Variants in MYT1L observed in about 807,000 individuals in gnomAD.
MYT1L encodes the protein myelin transcription factor 1 like.
In MYT1L, 12 loss-of-function variants were observed where a neutral mutation model predicts 126.7. The observed-to-expected ratio is 0.09, with a 90% CI of 0.06 to 0.15. The LOEUF (loss-of-function observed/expected upper bound fraction) is 0.15, where lower values mean the gene tolerates loss of function less well. Ranked by LOEUF, MYT1L falls within the 10% of genes least tolerant of loss-of-function variation. The pLI is 1.00. For missense variants in MYT1L, 979 were observed against 1,585.2 expected (o/e 0.62, Z 6.49); for synonymous variants, 541 against 604.2 (o/e 0.90, Z 1.53).
At chr2:2,311,373 G>C (rs921783654) in intron 1 of MYT1L, among the ~76,000 whole-genome samples, 2 of 152,186 alleles carry the variant, frequency 1.3e-5, no homozygotes, top group Non-Finnish European at 2.9e-5. Flanking sequence ...TCAGGCTACT[G>C]CTCTGCCTTA....
chr2:2,302,770 T>C (rs1435194317), intron 1 of MYT1L, among the ~76,000 whole-genome samples: 1 of 152,180 alleles, frequency 6.6e-6, no homozygotes, highest in Non-Finnish European at 1.5e-5. Flanking sequence ...ATTAATTAGA[T>C]TGTAGACGTG....
rs567204136 is a variant in MYT1L at position 2,224,407 on chromosome 2, C to T, written c.-420-51419G>A. 2.0e-5 allele frequency among the ~76,000 whole-genome samples: 3 copies of T among 152,214 alleles called. No individual in the cohort carries two copies. The highest frequency in any genetic ancestry group is 2.1e-4 in the South Asian group (1 of 4,814). ...ATCCCCAAAAAGACCGGAGAGCTGG[C>T]GAGGTGACAGCCATGCTGCTCTTTC... On this transcript the variant is annotated intron_variant, in intron 2 of 24. Coordinates refer to ENST00000647738, the MANE Select transcript of MYT1L (RefSeq NM_001303052.2). This position sits in a 1 kb window ranked among gnomAD's most constrained non-coding sequence, Gnocchi z 4.0.
chr2:2,042,962 T>C (rs1402280366), intron 4 of MYT1L, among the ~76,000 whole-genome samples: 1 of 152,152 alleles, frequency 6.6e-6, no homozygotes, highest in African/African-American at 2.4e-5. Flanking sequence ...CCAGCAGCAC[T>C]GCACCGGGGG....
At chr2:1,902,297 T>C (rs2050451064) in intron 14 of MYT1L, among the ~76,000 whole-genome samples, 1 of 152,250 alleles carries the variant, frequency 6.6e-6, no homozygotes, top group South Asian at 2.1e-4. Context: ...ATGAAGCCCG[T>C]GGCACTGTGT....
intron 9 of MYT1L, among the ~76,000 whole-genome samples, chr2:1,942,493 C>A (rs920319046): frequency 4.6e-5 from 7 of 152,282 alleles, no homozygotes; most frequent in African/African-American, 1.7e-4. Context: ...TCAAGCAAAG[C>A]TTTGGCAATC....
At chr2:2,132,272 T>C (rs1407699493) in intron 3 of MYT1L, among the ~76,000 whole-genome samples, 5 of 152,106 alleles carry the variant, frequency 3.3e-5, no homozygotes, top group Non-Finnish European at 7.3e-5. Context: ...TAAAGACACA[T>C]GCACACATAC....
intron 21 of MYT1L, among the ~76,000 whole-genome samples, chr2:1,813,970 T>A (rs1203396247): frequency 7.9e-6 from 1 of 125,880 alleles, no homozygotes; most frequent in Non-Finnish European, 1.6e-5. Context: ...GAGCTTGCAG[T>A]GAGCCGAGAT....
intron 3 of MYT1L, among the ~76,000 whole-genome samples, chr2:2,150,400 T>C (rs964420100): frequency 2.6e-5 from 4 of 152,214 alleles, no homozygotes; most frequent in African/African-American, 4.8e-5. Flanking sequence ...GTAAGAAAAT[T>C]CCATGTAGAT....
At chr2:2,267,369 C>T (rs1443779702) in intron 2 of MYT1L, among the ~76,000 whole-genome samples, 1 of 152,126 alleles carries the variant, frequency 6.6e-6, no homozygotes, top group East Asian at 1.9e-4. Flanking sequence ...CCGAAGATCC[C>T]CAAACAGGTA....
rs201935161 is a variant in MYT1L, at chr2:2,217,669, TCAACAACAACAA to T, written c.-420-44693_-420-44682del. 4.3e-5 allele frequency among the ~76,000 whole-genome samples: 4 copies of T among 92,188 alleles called. No homozygotes were observed. In the East Asian group the frequency reaches 8.1e-4, roughly 19 times the overall value. 60.5% of individuals were successfully genotyped at this position (92,188 alleles called of 152,430 possible). On this transcript the variant is annotated intron_variant, in intron 2 of 24. Transcript: ENST00000647738. ...CTGGGGGACAGAACAAAACTCCATC[TCAACAACAACAA>T]CAACAACAACAACAACAACAACAAC... is the stretch of plus-strand genomic sequence containing the variant.
At chr2:2,295,601 G>GAGAGAGAGAC (rs1559583853) in intron 1 of MYT1L, among the ~76,000 whole-genome samples, 5 of 6,220 alleles carry the variant, frequency 8.0e-4, no homozygotes, top group African/African-American at 2.2e-3. Flanking sequence ...GACAGAGAGA[G>GAGAGAGAGAC]AGACAGACAG....
At chr2:2,206,622 G>T (rs890371117) in intron 2 of MYT1L, among the ~76,000 whole-genome samples, 1 of 152,172 alleles carries the variant, frequency 6.6e-6, no homozygotes, top group African/African-American at 2.4e-5. Flanking sequence ...AAATGCATAA[G>T]AGAAAAGAGG....
intron 3 of MYT1L, among the ~76,000 whole-genome samples, chr2:2,087,399 G>C (rs1014533114): frequency 2.0e-5 from 3 of 152,186 alleles, no homozygotes; most frequent in African/African-American, 7.2e-5. Flanking sequence ...AGGCTAGGGT[G>C]CCACAGGTAA....
At chr2:2,020,743 T>C (rs777671621) in intron 4 of MYT1L, among the ~76,000 whole-genome samples, 6 of 152,242 alleles carry the variant, frequency 3.9e-5, no homozygotes, top group Non-Finnish European at 8.8e-5. Flanking sequence ...ATGTCTACGT[T>C]GTATGTGGCA....
chr2:1,874,524 T>C (rs138348164), intron 18 of MYT1L, among the ~76,000 whole-genome samples: 1 of 152,106 alleles, frequency 6.6e-6, no homozygotes, highest in African/African-American at 2.4e-5. Flanking sequence ...CAGGGCATGA[T>C]GGGGGGCAGC....
intron 3 of MYT1L, among the ~76,000 whole-genome samples, chr2:2,103,272 C>G (rs1341778762): frequency 6.6e-6 from 1 of 152,202 alleles, no homozygotes; most frequent in Non-Finnish European, 1.5e-5. Flanking sequence ...CATCCTTGGT[C>G]ACATAAAATG....
At chr2:2,167,135 G>A (rs571263294) in intron 3 of MYT1L, among the ~76,000 whole-genome samples, 19 of 152,268 alleles carry the variant, frequency 1.2e-4, no homozygotes, top group East Asian at 3.9e-4. Flanking sequence ...CTTGCCAGCC[G>A]CTGCGCTGCA....
At chr2:2,265,938 T>C (rs1055613113) in intron 2 of MYT1L, among the ~76,000 whole-genome samples, 4 of 152,100 alleles carry the variant, frequency 2.6e-5, no homozygotes, top group Non-Finnish European at 4.4e-5. Flanking sequence ...GGAGAGGTTT[T>C]CTAAGCAATG....
chr2:2,049,804 T>A (rs1483782701), intron 4 of MYT1L, among the ~76,000 whole-genome samples: 1 of 152,214 alleles, frequency 6.6e-6, no homozygotes, highest in Non-Finnish European at 1.5e-5. Flanking sequence ...TGCCGCCAGT[T>A]AAGACATGGC....
Sources: gnomAD v4.1 joint callset for allele counts (sites outside exome capture counted in the v4.1 genomes callset) on GRCh38, gnomAD v4.1.1 for gene constraint, Gnocchi (gnomAD v3.1) non-coding constraint, MANE v1.5 for transcripts, NCBI Gene and HGNC (gene_info 2026-07-23, HGNC 2026-07-21) for gene names.